Variants in FAM171A1 observed in about 807,000 individuals in gnomAD.
The protein encoded by FAM171A1 is protein FAM171A1.
In FAM171A1, 23 loss-of-function variants were observed where a neutral mutation model predicts 74.9. The observed-to-expected ratio is 0.31, with a 90% CI of 0.22 to 0.44. The LOEUF (loss-of-function observed/expected upper bound fraction) is 0.44. Among genes scored for constraint, FAM171A1 ranks in the 20% least tolerant of loss-of-function variants. The pLI is 1.00. For missense variants in FAM171A1, 1,162 were observed against 1,159.2 expected, an observed-to-expected ratio of 1.00 and a Z score of -0.03; for synonymous variants, 527 against 505.7, an observed-to-expected ratio of 1.04 and a Z score of -0.57.
In FAM171A1 at chr10:15,213,497, C is replaced by A. The variant is rs947929777; in HGVS notation, c.2091G>T (p.Gly697=). Residue 697 remains glycine (G), a synonymous_variant, in exon 8 of 8, where the codon GGG becomes GGT. Coordinates refer to ENST00000378116, the MANE Select transcript of FAM171A1 (RefSeq NM_001010924.2). The surrounding 1 kb of genome is among the most constrained non-coding windows in gnomAD (Gnocchi z 6.8). The part of the protein sequence containing the change: ...LLTEKALMEL[G]GGKPLPHPRA... ...GGGGGTGCGGAAGCGGCTTCCCACC[C>A]CCAAGCTCCATCAGGGCCTTTTCAG... The A allele has an allele frequency of 3.1e-6, 5 of 1,614,016 alleles. No homozygotes were observed. The highest frequency in any genetic ancestry group is 4.2e-6 in the Non-Finnish European group (5 of 1,180,040).
chr10:15,350,022 A>G (rs1404400981), intron 1 of FAM171A1, among the ~76,000 whole-genome samples: 1 of 151,996 alleles, frequency 6.6e-6, no homozygotes, highest in African/African-American at 2.4e-5. Context: ...GACGAATGAT[A>G]ATAATCTGTG....
At chr10:15,321,035 T>C (rs1273154074) in intron 1 of FAM171A1, among the ~76,000 whole-genome samples, 4 of 152,202 alleles carry the variant, frequency 2.6e-5, no homozygotes, top group Non-Finnish European at 5.9e-5. Flanking sequence ...CTGTCAAGTT[T>C]ATGTTGGCTT....
intron 3 of FAM171A1, among the ~76,000 whole-genome samples, chr10:15,256,773 T>C (rs934916349): frequency 6.6e-6 from 1 of 152,022 alleles, no homozygotes; most frequent in Non-Finnish European, 1.5e-5. Context: ...TCCTCGGGGG[T>C]CCCACAAACG....
chr10:15,252,933 G>A (rs1303765979), intron 4 of FAM171A1, among the ~76,000 whole-genome samples: 1 of 152,196 alleles, frequency 6.6e-6, no homozygotes, highest in South Asian at 2.1e-4. Context: ...GTCCCTCCAA[G>A]TTAGGGTTTT....
At chr10:15,292,397 G>C (rs1835112679) in intron 1 of FAM171A1, among the ~76,000 whole-genome samples, 1 of 152,116 alleles carries the variant, frequency 6.6e-6, no homozygotes, top group Non-Finnish European at 1.5e-5. Flanking sequence ...TTCATGCATT[G>C]CTCCCACCAT....
chr10:15,334,368 A>G (rs900999167), intron 1 of FAM171A1, among the ~76,000 whole-genome samples: 2 of 152,204 alleles, frequency 1.3e-5, no homozygotes, highest in African/African-American at 4.8e-5. Context: ...GGGAATCAGG[A>G]GATCTGAGGG....
chr10:15,231,851 T>G (rs1834210917), intron 5 of FAM171A1, among the ~76,000 whole-genome samples: 1 of 152,016 alleles, frequency 6.6e-6, no homozygotes, highest in Non-Finnish European at 1.5e-5. Context: ...TTGGGAAGCC[T>G]AGGTGGAAGG....
At chr10:15,309,388 C>T (rs112203233) in intron 1 of FAM171A1, among the ~76,000 whole-genome samples, 47 of 152,092 alleles carry the variant, frequency 3.1e-4, no homozygotes, top group Non-Finnish European at 5.7e-4. Context: ...TTTTATTTTT[C>T]GTAGAGATGG....
intron 1 of FAM171A1, among the ~76,000 whole-genome samples, chr10:15,289,849 G>A (rs1167661004): frequency 6.6e-6 from 1 of 152,200 alleles, no homozygotes; most frequent in African/African-American, 2.4e-5. Context: ...TCATTTGCAT[G>A]GGCTGGTTTT....
intron 1 of FAM171A1, among the ~76,000 whole-genome samples, chr10:15,338,071 C>T (rs1588561197): frequency 6.6e-6 from 1 of 152,214 alleles, no homozygotes; most frequent in African/African-American, 2.4e-5. Context: ...ACAAATGGCC[C>T]AATTAAACGC....
intron 5 of FAM171A1, among the ~76,000 whole-genome samples, chr10:15,247,688 G>A (rs1834452797): frequency 6.6e-6 from 1 of 150,476 alleles, no homozygotes; most frequent in South Asian, 2.1e-4. Context: ...TAAAAGGCTG[G>A]TCTCAGACTC....
Position 15,371,243 on chromosome 10 carries a change from C to CGCGGCGGCGGCGGCG in FAM171A1, c.-206_-192dup, listed in dbSNP as rs559398047. ...CCCGCGCCGGGTTTCCCCGAAGAGCCGCGGCGGCGGCGGCGGCGGCGGCTG... is the reference window on the plus strand; with the variant it reads ...CCCGCGCCGGGTTTCCCCGAAGAGCCGCGGCGGCGGCGGCGGCGGCGGCGGCGGCGGCGGCGGCTG... On this transcript the variant is annotated 5_prime_UTR_variant, in exon 1 of 8. Coordinates refer to ENST00000378116, the MANE Select transcript of FAM171A1 (RefSeq NM_001010924.2). Among the ~76,000 whole-genome samples the CGCGGCGGCGGCGGCG allele has an allele frequency of 1.4e-5, 2 of 141,608 alleles. No homozygotes were observed. Among genetic ancestry groups the CGCGGCGGCGGCGGCG allele is most frequent in the East Asian group, 2.3e-4 (1 of 4,412 alleles). The allele number at this position is 141,608 out of a possible 152,430, so 92.9% of individuals were successfully genotyped here. A position where few individuals can be genotyped will look rare whatever the true frequency, so the allele number is the denominator to read the frequency against.
intron 6 of FAM171A1, among the ~76,000 whole-genome samples, chr10:15,220,011 C>G (rs1256646687): frequency 6.6e-6 from 1 of 152,190 alleles, no homozygotes; most frequent in African/African-American, 2.4e-5. Context: ...CTTTGTGAGT[C>G]TAAGTGCTAA....
intron 5 of FAM171A1, among the ~76,000 whole-genome samples, chr10:15,248,049 T>G (rs1168211936): frequency 1.3e-5 from 2 of 152,232 alleles, no homozygotes; most frequent in African/African-American, 2.4e-5. Flanking sequence ...CCTGGATTCC[T>G]GACCCCCAGA....
chr10:15,222,816 C>T (rs1363289511), intron 5 of FAM171A1, among the ~76,000 whole-genome samples: 3 of 152,348 alleles, frequency 2.0e-5, no homozygotes, highest in Admixed American at 6.5e-5. Context: ...TGGGACAAGT[C>T]GGGCACCAGC....
At chr10:15,225,767 G>C (rs1337777567) in intron 5 of FAM171A1, among the ~76,000 whole-genome samples, 1 of 152,150 alleles carries the variant, frequency 6.6e-6, no homozygotes, top group Non-Finnish European at 1.5e-5. Flanking sequence ...CAGAGCAAGG[G>C]AGGAACCAGG....
intron 1 of FAM171A1, among the ~76,000 whole-genome samples, chr10:15,324,365 C>T (rs1835524337): frequency 1.3e-5 from 2 of 152,202 alleles, no homozygotes; most frequent in Admixed American, 1.3e-4. Context: ...CCTCAAATGA[C>T]ACACTCTTCA....
At chr10:15,278,721 G>A (rs747503322) in intron 2 of FAM171A1, among the ~76,000 whole-genome samples, 13 of 152,190 alleles carry the variant, frequency 8.5e-5, no homozygotes, top group Non-Finnish European at 1.9e-4. Context: ...GAGACAGAGG[G>A]TAGATTAGTG....
chr10:15,312,673 GTT>G (rs1169098742), intron 1 of FAM171A1, among the ~76,000 whole-genome samples: 24 of 36,392 alleles, frequency 6.6e-4, no homozygotes, highest in African/African-American at 1.2e-3. Flanking sequence ...AGCACTGTGT[GTT>G]TTTTTTTTTT....
Sources: gnomAD v4.1 joint callset for allele counts (sites outside exome capture counted in the v4.1 genomes callset) on GRCh38, gnomAD v4.1.1 for gene constraint, Gnocchi (gnomAD v3.1) non-coding constraint, MANE v1.5 for transcripts, NCBI Gene and HGNC (gene_info 2026-07-23, HGNC 2026-07-21) for gene names.